Variants in CFAP54 observed in about 807,000 individuals in gnomAD.
CFAP54 encodes cilia- and flagella-associated protein 54.
In CFAP54, 290 loss-of-function variants were observed where a neutral mutation model predicts 370.4. That is an observed-to-expected ratio of 0.78 (90% CI 0.71 to 0.86). The LOEUF is 0.86. CFAP54 is among the 40% of genes least tolerant of loss of function. The probability of loss-of-function intolerance (pLI) is 0.00; values close to 1 mark genes in which losing one functional copy is unlikely to be tolerated. For missense variants in CFAP54, 3,399 were observed against 3,528.7 expected, an observed-to-expected ratio of 0.96 and a Z score of 0.93; for synonymous variants, 1,206 against 1,236.5, an observed-to-expected ratio of 0.98 and a Z score of 0.52.
intron 45 of CFAP54, 85 bp downstream of exon 45, chr12:96,693,893 TAAC>T: frequency 1.2e-6 from 1 of 815,482 alleles, no homozygotes; most frequent in Non-Finnish European, 1.9e-6. Context: ...GGACTTATAA[TAAC>T]AAGCTGATAA....
At chr12:96,670,285 A>G (rs967360336) in intron 39 of CFAP54, among the ~76,000 whole-genome samples, 2 of 152,208 alleles carry the variant, frequency 1.3e-5, no homozygotes, top group African/African-American at 4.8e-5. Context: ...TTTAATTACT[A>G]TAACAACCCC....
At chr12:96,790,939 G>C (rs1958685170) in intron 62 of CFAP54, among the ~76,000 whole-genome samples, 2 of 152,088 alleles carry the variant, frequency 1.3e-5, no homozygotes, top group African/African-American at 4.8e-5. Context: ...TTATTTTGAA[G>C]ACTTAACATT....
In CFAP54 at chr12:96,564,722, T is replaced by G; in HGVS notation, c.2576T>G (p.Phe859Cys). 1 of 631,900 alleles carries G rather than the reference T, an allele frequency of 1.6e-6. No individual in the cohort carries two copies. The highest frequency in any genetic ancestry group is 2.8e-6 in the Non-Finnish European group (1 of 359,246). 39.1% of individuals were successfully genotyped at this position (631,900 alleles called of 1,614,324 possible). The change falls in exon 19 of 68, where the codon TTC becomes TGC. Residue 859 changes from phenylalanine to cysteine, a missense_variant. Physicochemically the swap from Phe to Cys is radical, Grantham distance 205. Transcript: ENST00000524981. ...IYLMQKALLIFEKDATSTSSW... is the reference protein window; with the variant it reads ...IYLMQKALLICEKDATSTSSW... Reference sequence around the variant, plus strand: ...TTAATGCAGAAAGCTCTTTTAATATTCGAGAAAGATGCAACTTCTACATCT... The same window carrying G: ...TTAATGCAGAAAGCTCTTTTAATATGCGAGAAAGATGCAACTTCTACATCT...
Position 96,533,923 on chromosome 12 carries a change from G to T in CFAP54, c.1489G>T (p.Glu497Ter). The T allele has an allele frequency of 9.1e-6, 14 of 1,533,684 alleles. No homozygotes were observed. The highest frequency in any genetic ancestry group is 1.2e-5 in the Non-Finnish European group (14 of 1,146,034). Residue 497 changes from glutamate to a stop codon, truncating the protein, a stop_gained, in exon 10 of 68, where the codon GAG (glutamate) becomes TAG (stop). Transcript: ENST00000524981. LOFTEE classifies it high-confidence loss of function. ...KFIKLAFTYE[E>*]WSLFESSAVH... ...TATAAAATTAGCTTTTACCTATGAG[G>T]AGTGGAGTTTATTTGAATCTTCTGC...
intron 9 of CFAP54, among the ~76,000 whole-genome samples, chr12:96,527,999 C>T (rs548746138): frequency 6.6e-6 from 1 of 151,968 alleles, no homozygotes; most frequent in Non-Finnish European, 1.5e-5. Flanking sequence ...TATTTCTGTC[C>T]AATCCTTAAT....
chr12:96,811,598 A>G (rs1234577105), intron 63 of CFAP54, 138 bp from the exon 64 acceptor site: 4 of 505,830 alleles, frequency 7.9e-6, no homozygotes, highest in Non-Finnish European at 1.4e-5. Context: ...TTTCAGGTGA[A>G]TTGAAAACCC....
intron 15 of CFAP54, among the ~76,000 whole-genome samples, chr12:96,548,294 A>G (rs779078537): frequency 2.6e-5 from 4 of 152,050 alleles, no homozygotes; most frequent in Non-Finnish European, 5.9e-5. Context: ...CCTAGGAGTA[A>G]CTCCTATCCT....
At chr12:96,748,093 C>T (rs1053665059) in intron 55 of CFAP54, among the ~76,000 whole-genome samples, 1 of 152,124 alleles carries the variant, frequency 6.6e-6, no homozygotes, top group Non-Finnish European at 1.5e-5. Context: ...ACCTGTTTCC[C>T]TCATAGGCCA....
chr12:96,672,373 A>G (rs1957157222), intron 39 of CFAP54, among the ~76,000 whole-genome samples: 1 of 152,180 alleles, frequency 6.6e-6, no homozygotes, highest in Non-Finnish European at 1.5e-5. Context: ...GATGGAAAGC[A>G]TTCTCATTGG....
chr12:96,826,303 A>ATATATATT, intron 65 of CFAP54, among the ~76,000 whole-genome samples: 1 of 143,396 alleles, frequency 7.0e-6, no homozygotes, highest in African/African-American at 2.5e-5. Flanking sequence ...ATATATATAT[A>ATATATATT]GAAGACAATA....
chr12:96,540,619 A>G lies in CFAP54; in HGVS notation c.1927-218A>G, dbSNP rs558967478. Among the ~76,000 whole-genome samples the G allele has an allele frequency of 2.0e-5, 3 of 152,344 alleles. No homozygotes were observed. In the East Asian group the frequency reaches 5.8e-4, roughly 29 times the overall value. The stretch of plus-strand genomic sequence containing the variant: ...AGACTTAAATGAATCTACTTTATGA[A>G]TTTATATAAACAGATTGATTACTAA... On this transcript the variant is annotated intron_variant, in intron 13 of 67. Coordinates refer to ENST00000524981, the MANE Select transcript of CFAP54 (RefSeq NM_001306084.2).
intron 66 of CFAP54, among the ~76,000 whole-genome samples, chr12:96,857,135 C>T (rs1859313030): frequency 1.3e-5 from 2 of 152,174 alleles, no homozygotes; most frequent in South Asian, 4.1e-4. Flanking sequence ...ATGGAGGTAG[C>T]TGTCCCCATG....
intron 50 of CFAP54, among the ~76,000 whole-genome samples, chr12:96,728,419 C>G (rs558086798): frequency 2.6e-5 from 4 of 152,278 alleles, no homozygotes; most frequent in African/African-American, 9.6e-5. Context: ...CGCTTCATTT[C>G]ATTCATTTCA....
At chr12:96,779,721 A>G (rs1322170504) in intron 60 of CFAP54, among the ~76,000 whole-genome samples, 1 of 149,596 alleles carries the variant, frequency 6.7e-6, no homozygotes, top group Non-Finnish European at 1.5e-5. Flanking sequence ...ACAGGGCCTT[A>G]TAAAGACTAC....
At chr12:96,603,835 T>G (rs1236895454) in intron 26 of CFAP54, among the ~76,000 whole-genome samples, 1 of 152,228 alleles carries the variant, frequency 6.6e-6, no homozygotes, top group Non-Finnish European at 1.5e-5. Flanking sequence ...TCTACACTGT[T>G]TATTCTAGTT....
chr12:96,510,511 C>G (rs1028291234), intron 4 of CFAP54, among the ~76,000 whole-genome samples: 1 of 152,152 alleles, frequency 6.6e-6, no homozygotes, highest in Non-Finnish European at 1.5e-5. Context: ...CTCCTGAGGC[C>G]TTCCTCAGTT....
chr12:96,670,074 G>T (rs572530121), intron 39 of CFAP54, among the ~76,000 whole-genome samples: 2 of 152,172 alleles, frequency 1.3e-5, no homozygotes, highest in Non-Finnish European at 2.9e-5. Flanking sequence ...GCTCATCATG[G>T]TGGAATCTCC....
intron 26 of CFAP54, among the ~76,000 whole-genome samples, chr12:96,620,357 TC>T (rs1366606132): frequency 6.6e-6 from 1 of 152,180 alleles, no homozygotes; most frequent in Non-Finnish European, 1.5e-5. Context: ...CCTGTGCTGT[TC>T]TGGTGATAGT....
At chr12:96,514,807 A>G (rs1482006786) in intron 5 of CFAP54, among the ~76,000 whole-genome samples, 1 of 152,178 alleles carries the variant, frequency 6.6e-6, no homozygotes, top group African/African-American at 2.4e-5. Flanking sequence ...GTATTTTGCC[A>G]TGCTGATTAA....
Sources: gnomAD v4.1 joint callset for allele counts (sites outside exome capture counted in the v4.1 genomes callset) on GRCh38, gnomAD v4.1.1 for gene constraint, MANE v1.5 for transcripts, NCBI Gene and HGNC (gene_info 2026-07-23, HGNC 2026-07-21) for gene names.